AFF3: variants seen among roughly 807,000 people sequenced by gnomAD.
AFF3 encodes ALF transcription elongation factor 3, also known as AF4/FMR2 family member 3.
AFF3 carries 32 observed loss-of-function variants against 129.7 expected under a neutral mutation model. The ratio of observed to expected loss-of-function variants is 0.25; its 90% CI spans 0.19 to 0.33. The LOEUF (loss-of-function observed/expected upper bound fraction) is 0.33. Ranked by LOEUF, AFF3 falls within the 10% of genes least tolerant of loss-of-function variation. The pLI is 1.00. For missense variants in AFF3, 1,373 were observed against 1,592.0 expected (o/e 0.86, Z 2.34); for synonymous variants, 644 against 635.4 (o/e 1.01, Z -0.20).
intron 4 of AFF3, among the ~76,000 whole-genome samples, chr2:100,024,377 T>C (rs1683864757): frequency 6.6e-6 from 1 of 151,286 alleles, no homozygotes. Flanking sequence ...GAGTTCGAGA[T>C]GGATCACCTG....
intron 8 of AFF3, among the ~76,000 whole-genome samples, chr2:99,833,653 C>G (rs1688662910): frequency 6.6e-6 from 1 of 152,096 alleles, no homozygotes; most frequent in Admixed American, 6.5e-5. Flanking sequence ...AGCACCCCCA[C>G]CCATTAAGTT....
chr2:99,860,823 T>C (rs537709517), intron 7 of AFF3, among the ~76,000 whole-genome samples: 1 of 152,308 alleles, frequency 6.6e-6, no homozygotes, highest in East Asian at 1.9e-4. Flanking sequence ...TGTGTAAAGA[T>C]GATCACAATA....
intron 20 of AFF3, 88 bp downstream of exon 20, chr2:99,565,399 G>A: frequency 1.3e-6 from 2 of 1,540,742 alleles, no homozygotes; most frequent in Non-Finnish European, 8.9e-7. Context: ...GGGGGATGGT[G>A]CAGGCTGACA....
At chr2:99,734,966 G>A (rs1680128675) in intron 10 of AFF3, among the ~76,000 whole-genome samples, 1 of 152,094 alleles carries the variant, frequency 6.6e-6, no homozygotes, top group African/African-American at 2.4e-5. Context: ...GAGTTTGGTA[G>A]AATTCTTAGT....
chr2:99,797,455 T>A (rs917123968), intron 8 of AFF3, among the ~76,000 whole-genome samples: 1 of 152,078 alleles, frequency 6.6e-6, no homozygotes, highest in Non-Finnish European at 1.5e-5. Context: ...TGTGATCTAA[T>A]GTACATAAAA....
At chr2:100,105,700 C>T (rs1444902664) in intron 2 of AFF3, 117 bp from the exon 3 acceptor site, 1 of 1,357,656 alleles carries the variant, frequency 7.4e-7, no homozygotes, top group Non-Finnish European at 9.8e-7. Context: ...AAGCGCATGT[C>T]TCCATCAGGG....
intron 1 of AFF3, among the ~76,000 whole-genome samples, chr2:100,137,317 C>A (rs1393837610): frequency 6.6e-6 from 1 of 152,148 alleles, no homozygotes; most frequent in Non-Finnish European, 1.5e-5. Flanking sequence ...CCAGATATTC[C>A]CAATTTCAAA....
At chr2:99,648,161 A>G (rs1212408409) in intron 13 of AFF3, among the ~76,000 whole-genome samples, 14 of 152,030 alleles carry the variant, frequency 9.2e-5, no homozygotes, top group Non-Finnish European at 4.4e-5. Context: ...TATAATTTAC[A>G]TTCCAAAAAG....
chr2:99,851,273 T>TCTGTAACTC (rs1384863548), intron 7 of AFF3, among the ~76,000 whole-genome samples: 1 of 152,126 alleles, frequency 6.6e-6, no homozygotes, highest in Non-Finnish European at 1.5e-5. Context: ...CTACTGGGAG[T>TCTGTAACTC]CCATGACATT....
At chr2:99,726,337 A>T (rs150853716) in intron 11 of AFF3, among the ~76,000 whole-genome samples, 1 of 152,352 alleles carries the variant, frequency 6.6e-6, no homozygotes, top group African/African-American at 2.4e-5. Flanking sequence ...AAATTCACAA[A>T]GCCTATCTTA....
intron 8 of AFF3, among the ~76,000 whole-genome samples, chr2:99,803,850 A>G (rs183268457): frequency 6.6e-6 from 1 of 152,354 alleles, no homozygotes; most frequent in East Asian, 1.9e-4. Flanking sequence ...CCTATTCAAT[A>G]AATGGTGCTA....
intron 11 of AFF3, among the ~76,000 whole-genome samples, chr2:99,674,388 A>G (rs1046765392): frequency 2.6e-5 from 4 of 152,246 alleles, no homozygotes; most frequent in African/African-American, 7.2e-5. Flanking sequence ...TGACCAGCAC[A>G]GTGCGGCACA....
intron 4 of AFF3, among the ~76,000 whole-genome samples, chr2:100,077,717 A>T (rs756269646): frequency 5.3e-5 from 8 of 152,116 alleles, no homozygotes; most frequent in Non-Finnish European, 7.3e-5. Context: ...CTCTTTCTCT[A>T]CTATTTCCAC....
At chr2:99,747,425 G>C (rs1157278195) in intron 9 of AFF3, among the ~76,000 whole-genome samples, 1 of 152,090 alleles carries the variant, frequency 6.6e-6, no homozygotes, top group East Asian at 1.9e-4. Flanking sequence ...AAACTCCTAG[G>C]CTCAAGCGAT....
intron 8 of AFF3, among the ~76,000 whole-genome samples, chr2:99,823,761 C>G (rs1461513193): frequency 1.3e-5 from 2 of 152,214 alleles, no homozygotes; most frequent in Non-Finnish European, 2.9e-5. Flanking sequence ...CCATGGAATA[C>G]TACGCAGCCA....
intron 7 of AFF3, among the ~76,000 whole-genome samples, chr2:99,879,382 T>G (rs1008869208): frequency 1.3e-5 from 2 of 152,178 alleles, no homozygotes. Flanking sequence ...TGGGCTGTGC[T>G]CATCAACTTC....
intron 1 of AFF3, 77 bp downstream of exon 1, chr2:100,142,407 A>G (rs77884588): frequency 0.036 from 5,556 of 152,388 alleles, 151 homozygotes; most frequent in Non-Finnish European, 0.051. Context: ...GCCACCCTTC[A>G]GGACACAAAG....
At chr2:99,920,785 T>C (rs1695806213) in intron 7 of AFF3, among the ~76,000 whole-genome samples, 1 of 151,916 alleles carries the variant, frequency 6.6e-6, no homozygotes, top group African/African-American at 2.4e-5. Flanking sequence ...GTAAAAAATC[T>C]GAAAAAATCT....
chr2:99,836,256 T>C (rs950272492), intron 8 of AFF3, among the ~76,000 whole-genome samples: 4 of 152,078 alleles, frequency 2.6e-5, no homozygotes, highest in Non-Finnish European at 5.9e-5. Context: ...GGCTTAAAAA[T>C]GGAATATGTG....
Sources: allele counts gnomAD v4.1 joint callset (sites outside exome capture counted in the v4.1 genomes callset), GRCh38; gene constraint gnomAD v4.1.1; transcripts MANE v1.5; gene names NCBI Gene and HGNC (gene_info 2026-07-23, HGNC 2026-07-21).